PDE4D: variants seen among roughly 807,000 people sequenced by gnomAD.
PDE4D encodes the protein 3',5'-cyclic-AMP phosphodiesterase 4D.
In PDE4D, 24 loss-of-function variants were observed where a neutral mutation model predicts 87.4. The ratio of observed to expected loss-of-function variants is 0.27; its 90% CI spans 0.20 to 0.39. The LOEUF (loss-of-function observed/expected upper bound fraction) is 0.39. PDE4D is among the 10% of genes least tolerant of loss of function. The probability of loss-of-function intolerance (pLI) is 1.00; values close to 1 mark genes in which losing one functional copy is unlikely to be tolerated. For synonymous variants in PDE4D, 384 were observed against 383.2 expected (o/e 1.00, Z -0.02); for missense variants, 714 against 1,041.0 (o/e 0.69, Z 4.32).
chr5:60,353,555 C>G (rs1006766640), intron 1 of PDE4D, among the ~76,000 whole-genome samples: 1 of 152,198 alleles, frequency 6.6e-6, no homozygotes, highest in Non-Finnish European at 1.5e-5. Context: ...CTCATGTCAA[C>G]TAAAGGATGC....
chr5:60,193,689 A>AAAAAAAAAG (rs1740834299), intron 1 of PDE4D, among the ~76,000 whole-genome samples: 1 of 146,944 alleles, frequency 6.8e-6, no homozygotes, highest in African/African-American at 2.6e-5. Context: ...AAAAAAAAAA[A>AAAAAAAAAG]AAAGAAAGAA....
intron 1 of PDE4D, among the ~76,000 whole-genome samples, chr5:59,677,573 T>G (rs977028927): frequency 9.2e-5 from 14 of 152,160 alleles, no homozygotes; most frequent in Non-Finnish European, 1.3e-4. Context: ...AAAGCTCAGT[T>G]AAATTACTTT....
chr5:59,146,930 G>A (rs945029594), intron 5 of PDE4D, among the ~76,000 whole-genome samples: 3 of 152,126 alleles, frequency 2.0e-5, no homozygotes, highest in Non-Finnish European at 4.4e-5. Flanking sequence ...GGCCTGTTAG[G>A]AACCTGGTGG....
At chr5:60,462,437 G>A (rs1378024246) in intron 1 of PDE4D, among the ~76,000 whole-genome samples, 1 of 152,146 alleles carries the variant, frequency 6.6e-6, no homozygotes, top group Non-Finnish European at 1.5e-5. Flanking sequence ...GGAATAGGTT[G>A]TGGAATAGGG....
At chr5:60,013,096 C>T (rs1190007369) in intron 2 of PDE4D, among the ~76,000 whole-genome samples, 1 of 152,106 alleles carries the variant, frequency 6.6e-6, no homozygotes, top group Admixed American at 6.6e-5. Context: ...GCTTCTATAT[C>T]TGGTTTAGAT....
intron 1 of PDE4D, among the ~76,000 whole-genome samples, chr5:60,298,797 G>A (rs1424186026): frequency 1.3e-5 from 2 of 152,094 alleles, no homozygotes; most frequent in African/African-American, 4.8e-5. Context: ...CAAATCAGTG[G>A]CATAAAAGAA....
At chr5:59,367,106 C>T (rs1265371071) in intron 1 of PDE4D, among the ~76,000 whole-genome samples, 2 of 152,188 alleles carry the variant, frequency 1.3e-5, no homozygotes, top group Non-Finnish European at 2.9e-5. Context: ...ATCGACTCCT[C>T]AAGTACATTC....
chr5:59,528,976 A>T (rs140692742), intron 1 of PDE4D: 1 of 455,064 alleles, frequency 2.2e-6, no homozygotes, highest in Admixed American at 2.4e-5. Flanking sequence ...ACGGTTGGCC[A>T]TAAGAGCCCA....
At chr5:59,526,400 A>G (rs1336430434) in intron 1 of PDE4D, among the ~76,000 whole-genome samples, 2 of 152,224 alleles carry the variant, frequency 1.3e-5, no homozygotes, top group Admixed American at 1.3e-4. Context: ...GGTTTGATTA[A>G]AAAACACTGA....
Position 60,215,303 on chromosome 5 carries a change from TA to T in PDE4D, c.-89-29617del, listed in dbSNP as rs1009442891. The stretch of plus-strand genomic sequence containing the variant: ...ACAAAATCTGATTAGGCTGAACAGA[TA>T]AAAAAACTGTAGAGCAGAGGTTAAG... On this transcript the variant is annotated intron_variant, in intron 1 of 16. Transcript: ENST00000502484. Among the ~76,000 whole-genome samples the T allele has an allele frequency of 2.0e-4, 30 of 152,150 alleles. 1 individual carries two copies. In the Middle Eastern group the frequency reaches 0.031, roughly 155 times the overall value.
At chr5:60,291,025 G>C (rs1752849939) in intron 1 of PDE4D, among the ~76,000 whole-genome samples, 1 of 152,166 alleles carries the variant, frequency 6.6e-6, no homozygotes, top group Admixed American at 6.5e-5. Flanking sequence ...TGTCTCGAAG[G>C]AATGTGAGGT....
At chr5:60,513,502 T>A (rs1750664650) in intron 1 of PDE4D, among the ~76,000 whole-genome samples, 1 of 152,038 alleles carries the variant, frequency 6.6e-6, no homozygotes, top group South Asian at 2.1e-4. Flanking sequence ...TTAACACACC[T>A]CTTGTAACAG....
At chr5:59,204,263 G>A (rs1033597232) in intron 2 of PDE4D, among the ~76,000 whole-genome samples, 13 of 151,336 alleles carry the variant, frequency 8.6e-5, no homozygotes, top group Non-Finnish European at 1.6e-4. Flanking sequence ...TATCACTTGT[G>A]GAGGACAGGC....
At chr5:60,002,462 A>G (rs1008212236) in intron 2 of PDE4D, among the ~76,000 whole-genome samples, 1 of 152,152 alleles carries the variant, frequency 6.6e-6, no homozygotes, top group Non-Finnish European at 1.5e-5. Context: ...TAAGGACCCT[A>G]TAAGAAAAAA....
chr5:59,837,226 G>A (rs1289762274), intron 1 of PDE4D, among the ~76,000 whole-genome samples: 2 of 151,972 alleles, frequency 1.3e-5, no homozygotes, highest in African/African-American at 4.8e-5. Flanking sequence ...TATTTATTGA[G>A]CAACTACTAT....
intron 1 of PDE4D, among the ~76,000 whole-genome samples, chr5:60,293,131 C>T (rs1376844485): frequency 6.6e-6 from 1 of 151,682 alleles, no homozygotes; most frequent in African/African-American, 2.4e-5. Flanking sequence ...CTCAACCTCC[C>T]CTTATCAGAA....
intron 1 of PDE4D, among the ~76,000 whole-genome samples, chr5:59,465,406 T>C (rs1246322715): frequency 6.6e-6 from 1 of 152,186 alleles, no homozygotes; most frequent in Non-Finnish European, 1.5e-5. Context: ...ATGCATACTC[T>C]GAAACTCTCC....
At chr5:59,823,833 G>GCTATTTTTCTATCTAGAATGCTGCT (rs1769996444) in intron 1 of PDE4D, among the ~76,000 whole-genome samples, 3 of 147,496 alleles carry the variant, frequency 2.0e-5, no homozygotes, top group Non-Finnish European at 4.5e-5. Flanking sequence ...TGGGACCTTT[G>GCTATTTTTCTATCTAGAATGCTGCT]CTATTTTTCT....
At chr5:59,981,372 G>A (rs1761917903) in intron 3 of PDE4D, among the ~76,000 whole-genome samples, 1 of 152,170 alleles carries the variant, frequency 6.6e-6, no homozygotes, top group South Asian at 2.1e-4. Flanking sequence ...TATTTTGTGA[G>A]TATCCTGAGA....
Sources: allele counts gnomAD v4.1 joint callset (sites outside exome capture counted in the v4.1 genomes callset), GRCh38; gene constraint gnomAD v4.1.1; transcripts MANE v1.5; gene names NCBI Gene and HGNC (gene_info 2026-07-23, HGNC 2026-07-21).